The following ABCC11 variants were observed in gnomAD, a reference collection of about 807,000 sequenced individuals.
ABCC11 encodes ATP binding cassette subfamily C member 11, also known as ATP-binding cassette sub-family C member 11.
A neutral mutation model predicts 149.3 loss-of-function variants in ABCC11; 135 were observed. That is an observed-to-expected ratio of 0.90 (90% confidence interval 0.79 to 1.04). ABCC11 has a LOEUF of 1.04. Ranked by LOEUF, ABCC11 falls within the 50% of genes least tolerant of loss-of-function variation. The pLI is 0.00. For missense variants in ABCC11, 1,680 were observed against 1,722.1 expected, an observed-to-expected ratio of 0.98 and a Z score of 0.43; for synonymous variants, 665 against 671.4, an observed-to-expected ratio of 0.99 and a Z score of 0.15.
rs199502121 is a variant in ABCC11, at chr16:48,198,000, G to C, written c.2285C>G (p.Ser762Cys). The part of the protein sequence containing the change: ...PKVESQALAT[S>C]LEESLNGNAV... ...ATTTCCGTTGAGAGACTCTTCCAGG[G>C]AGGTGGCCAGAGCCTGACTTTCTAC... is the stretch of plus-strand genomic sequence containing the variant. The change falls in exon 17 of 30, where the codon TCC becomes TGC. Residue 762 changes from serine to cysteine, a missense_variant. Coordinates refer to ENST00000356608, the MANE Select transcript of ABCC11 (RefSeq NM_001370497.1). 54 of 1,614,164 alleles carry C rather than the reference G, an allele frequency of 3.3e-5. No individual in the cohort carries two copies. The East Asian group carries it at 1.2e-3, about 35-fold the overall frequency.
chr16:48,169,051 G>A (rs1965522205), intron 28 of ABCC11, among the ~76,000 whole-genome samples: 1 of 152,106 alleles, frequency 6.6e-6, no homozygotes. Context: ...AGAACTTAAA[G>A]TAAATTTAAA....
intron 12 of ABCC11, among the ~76,000 whole-genome samples, chr16:48,207,442 G>T (rs969718422): frequency 6.6e-6 from 1 of 152,106 alleles, no homozygotes; most frequent in Non-Finnish European, 1.5e-5. Context: ...GAGGCAGGTG[G>T]ATGACTTGAG....
Position 48,184,431 on chromosome 16 carries a change from C to A in ABCC11, c.3258+9G>T, listed in dbSNP as rs1966628499. The A allele has an allele frequency of 1.3e-5, 21 of 1,612,394 alleles. No homozygotes were observed. The highest frequency in any genetic ancestry group is 1.8e-5 in the Non-Finnish European group (21 of 1,179,080). On this transcript the variant is annotated intron_variant, in intron 23 of 29. Transcript: ENST00000356608. ...CTCAGAGAGGGCCCACACAGAGTCA[C>A]CCCCTCACCTGCAGCACGATGTTGA... is the stretch of plus-strand genomic sequence containing the variant.
chr16:48,179,720 G>A (rs1287032493), intron 23 of ABCC11, among the ~76,000 whole-genome samples: 3 of 152,220 alleles, frequency 2.0e-5, no homozygotes, highest in East Asian at 1.9e-4. Flanking sequence ...GGATGCACAG[G>A]AGGGGCCCTG....
At chr16:48,218,050 A>G (rs543348878) in intron 6 of ABCC11, among the ~76,000 whole-genome samples, 1 of 152,018 alleles carries the variant, frequency 6.6e-6, no homozygotes, top group African/African-American at 2.4e-5. Context: ...CGATCCCAAC[A>G]CTCTGGGAGG....
Position 48,167,366 on chromosome 16 carries a change from C to G in ABCC11, c.4057G>C (p.Val1353Leu). The G allele has an allele frequency of 2.9e-6, 4 of 1,369,226 alleles. No individual in the cohort carries two copies. Among genetic ancestry groups the G allele is most frequent in the Non-Finnish European group, 4.2e-6 (4 of 956,446 alleles). The allele number at this position is 1,369,226 out of a possible 1,614,324, so 84.8% of individuals were successfully genotyped here. Residue 1353 changes from valine to leucine, a missense_variant and splice_region_variant, in exon 30 of 30, where the codon GTG becomes CTG. By Grantham distance (32) the Val-to-Leu change is conservative (BLOSUM62 1). Coordinates refer to ENST00000356608, the MANE Select transcript of ABCC11 (RefSeq NM_001370497.1). ...DHILVMGNGK[V>L]VEFDRPEVLR... ...ACCTCCGGCCGATCAAATTCTACCA[C>G]CTGGAGGGTAGAGAAAGGCGAGGGG...
Position 48,227,845 on chromosome 16 carries a change from G to A in ABCC11, c.356C>T (p.Pro119Leu), listed in dbSNP as rs777718779. The A allele has an allele frequency of 2.7e-5, 44 of 1,614,004 alleles. No individual in the cohort carries two copies. The highest frequency in any genetic ancestry group is 3.4e-5 in the Non-Finnish European group (40 of 1,180,020). The change falls in exon 4 of 30, where the codon CCA (proline) becomes CTA (leucine). Residue 119 changes from proline (P) to leucine (L), a missense_variant. By Grantham distance (98) the Pro-to-Leu change is moderately conservative. Transcript: ENST00000356608. Reference protein sequence around the residue: ...RSRLDENTIPPLSVHDASDKN... With the variant: ...RSRLDENTIPLLSVHDASDKN... ...GTCTGAGGCATCATGGACTGACAGT[G>A]GAGGGATGGTGTTCTCATCTAAGCG...
chr16:48,170,762 C>A, intron 27 of ABCC11, 127 bp downstream of exon 27: 1 of 835,834 alleles, frequency 1.2e-6, no homozygotes, highest in Non-Finnish European at 2.0e-6. Flanking sequence ...ATCTCATCTC[C>A]ATGAGATGAT....
chr16:48,177,374 T>C (rs1428475573), intron 24 of ABCC11, among the ~76,000 whole-genome samples: 2 of 152,266 alleles, frequency 1.3e-5, no homozygotes, highest in Non-Finnish European at 2.9e-5. Context: ...CCTGATTTAC[T>C]GTGTGACTTT....
chr16:48,200,570 C>A (rs1392176350), intron 14 of ABCC11, 91 bp from the exon 15 acceptor site: 2 of 1,352,504 alleles, frequency 1.5e-6, no homozygotes, highest in Non-Finnish European at 2.0e-6. Context: ...GACAGAACCC[C>A]CTCAGTACAG....
Position 48,198,191 on chromosome 16 carries a change from T to C in ABCC11, c.2167A>G (p.Lys723Glu), listed in dbSNP as rs1967617768. 6.2e-7 allele frequency: 1 copy of C among 1,614,084 alleles called. No homozygotes were observed. ...TGGATAAGTTGGGCATATTTCCCCT[T>C]TTTCTGCATTAACTCACTGTGAGTT... ...NGTHSELMQK[K>E]GKYAQLIQKM... is the part of the protein sequence containing the mutation. Residue 723 changes from lysine to glutamate, a missense_variant, in exon 16 of 30, where the codon AAG (lysine) becomes GAG (glutamate). Transcript: ENST00000356608.
At chr16:48,202,127 C>T (rs1303080504) in intron 14 of ABCC11, among the ~76,000 whole-genome samples, 5 of 152,198 alleles carry the variant, frequency 3.3e-5, no homozygotes, top group African/African-American at 1.2e-4. Flanking sequence ...ATAGTTAACA[C>T]TTACTCTAGG....
intron 6 of ABCC11, 55 bp from the exon 7 acceptor site, chr16:48,216,342 G>T (rs1969344491): frequency 1.9e-6 from 3 of 1,571,872 alleles, no homozygotes; most frequent in Admixed American, 1.7e-5. Context: ...TACACAGAAG[G>T]GGTGGCAGGT....
intron 10 of ABCC11, among the ~76,000 whole-genome samples, chr16:48,212,332 G>A (rs966119419): frequency 2.6e-5 from 4 of 152,054 alleles, no homozygotes; most frequent in African/African-American, 9.7e-5. Flanking sequence ...TAGAACAGGC[G>A]TGTCCAATCC....
rs1366836208 is a variant in ABCC11 at position 48,227,933 on chromosome 16, C to T, written c.268G>A (p.Gly90Ser). The T allele has an allele frequency of 1.2e-6, 2 of 1,613,666 alleles. No individual in the cohort carries two copies. The highest frequency in any genetic ancestry group is 1.3e-5 in the African/African-American group (1 of 74,848). Residue 90 changes from glycine (G) to serine (S), a missense_variant, in exon 4 of 30, where the codon GGC becomes AGC. Physicochemically the swap from Gly to Ser is moderately conservative, Grantham distance 56 (BLOSUM62 0). Transcript: ENST00000356608. ...GACACGGTGAGGTAGGAGAACAGGC[C>T]AGCATTGTCCAGGGGCTGGGGGGCA... Reference protein sequence around the residue: ...FPAPQPLDNAGLFSYLTVSWL... With the variant: ...FPAPQPLDNASLFSYLTVSWL...
rs764353821 is a variant in ABCC11 at position 48,210,935 on chromosome 16, T to C, written c.1608+13A>G. ...TGGCAGCTGGCCTGCCTGCGTGGCC[T>C]GAACAAGGCTACCTTGGACACCACC... On this transcript the variant is annotated intron_variant, in intron 11 of 29. Coordinates refer to ENST00000356608, the MANE Select transcript of ABCC11 (RefSeq NM_001370497.1). The C allele has an allele frequency of 1.2e-6, 2 of 1,611,242 alleles. No individual in the cohort carries two copies. The highest frequency in any genetic ancestry group is 3.3e-5 in the Admixed American group (2 of 59,984).
chr16:48,171,100 A>C (rs771565015), intron 26 of ABCC11, 133 bp from the exon 27 acceptor site: 12 of 826,042 alleles, frequency 1.5e-5, no homozygotes, highest in Non-Finnish European at 2.2e-5. Context: ...GAACCACCAC[A>C]AATGGAGATT....
At chr16:48,201,866 C>T (rs1363052809) in intron 14 of ABCC11, among the ~76,000 whole-genome samples, 3 of 152,198 alleles carry the variant, frequency 2.0e-5, no homozygotes, top group Non-Finnish European at 2.9e-5. Context: ...CCCATCCCTC[C>T]TTGAGGCTCT....
At chr16:48,244,218 C>G (rs892108641) in intron 1 of ABCC11, 2 of 551,154 alleles carry the variant, frequency 3.6e-6, no homozygotes, top group South Asian at 2.3e-5. Flanking sequence ...CCGGGAGGCT[C>G]TCCTAGAGAG....
Sources: gnomAD v4.1 joint callset for allele counts (sites outside exome capture counted in the v4.1 genomes callset) on GRCh38, gnomAD v4.1.1 for gene constraint, MANE v1.5 for transcripts, NCBI Gene and HGNC (gene_info 2026-07-23, HGNC 2026-07-21) for gene names.